FGF14: variants seen among roughly 807,000 people sequenced by gnomAD.
The protein encoded by FGF14 is fibroblast growth factor 14.
FGF14 carries 5 observed loss-of-function variants against 25.5 expected under a neutral mutation model. The ratio of observed to expected loss-of-function variants is 0.20; its 90% CI spans 0.10 to 0.41. The LOEUF (loss-of-function observed/expected upper bound fraction) is 0.41, where lower values mean the gene tolerates loss of function less well. FGF14 is among the 10% of genes least tolerant of loss of function. The pLI, the probability that FGF14 is intolerant of heterozygous loss-of-function variation, is 1.00. For synonymous variants in FGF14, 138 were observed against 118.3 expected (o/e 1.17, Z -1.08); for missense variants, 222 against 320.1 (o/e 0.69, Z 2.34).
At chr13:101,993,768 G>A (rs1456292823) in intron 1 of FGF14, among the ~76,000 whole-genome samples, 1 of 151,644 alleles carries the variant, frequency 6.6e-6, no homozygotes, top group African/African-American at 2.4e-5. Context: ...AACCAGAGAA[G>A]GCAAAAAAAT....
At chr13:102,181,247 G>A (rs866118345) in intron 1 of FGF14, among the ~76,000 whole-genome samples, 7 of 152,108 alleles carry the variant, frequency 4.6e-5, no homozygotes, top group African/African-American at 1.7e-4. Flanking sequence ...AACGATCTCC[G>A]AAGACGTCCA....
At chr13:101,983,084 T>G (rs1233913875) in intron 1 of FGF14, among the ~76,000 whole-genome samples, 1 of 145,620 alleles carries the variant, frequency 6.9e-6, no homozygotes, top group East Asian at 1.9e-4. Context: ...GCTGTTTGTG[T>G]ATTGTCTCTT....
chr13:102,205,999 A>C (rs2049897581), intron 1 of FGF14, among the ~76,000 whole-genome samples: 1 of 32,898 alleles, frequency 3.0e-5, no homozygotes, highest in Non-Finnish European at 5.5e-5. Flanking sequence ...AAAAAAAAAA[A>C]AAAAAAAAAA....
chr13:102,347,309 C>T lies in FGF14; in HGVS notation c.208+54162G>A, dbSNP rs2057138365. On this transcript the variant is annotated intron_variant, in intron 1 of 4. Coordinates refer to the FGF14 transcript ENST00000376131. ...GAGAACTCATGGGTGAGTAACTCATCACAGTATTGCTAATAATTAAATAAT... is the reference window on the plus strand; with the variant it reads ...GAGAACTCATGGGTGAGTAACTCATTACAGTATTGCTAATAATTAAATAAT... 4.6e-5 allele frequency among the ~76,000 whole-genome samples: 7 copies of T among 152,134 alleles called. No individual in the cohort carries two copies. The South Asian group carries it at 1.2e-3, about 27-fold the overall frequency.
intron 1 of FGF14, among the ~76,000 whole-genome samples, chr13:102,368,863 A>C (rs1380528532): frequency 6.6e-6 from 1 of 152,168 alleles, no homozygotes; most frequent in Non-Finnish European, 1.5e-5. Context: ...TGTCATCTCT[A>C]AATTTAATAG....
chr13:102,111,747 T>A (rs2045238634), intron 1 of FGF14, among the ~76,000 whole-genome samples: 2 of 147,608 alleles, frequency 1.4e-5, no homozygotes, highest in South Asian at 4.3e-4. Context: ...TAGTCTCATG[T>A]ACAAAGAATT....
chr13:101,734,020 CTGTG>C (rs146211386), intron 3 of FGF14, among the ~76,000 whole-genome samples: 1 of 150,116 alleles, frequency 6.7e-6, no homozygotes, highest in Non-Finnish European at 1.5e-5. Flanking sequence ...AAGGAGATGT[CTGTG>C]TGTGTGTGTG....
At chr13:102,124,661 C>T (rs1388668224) in intron 1 of FGF14, among the ~76,000 whole-genome samples, 1 of 152,080 alleles carries the variant, frequency 6.6e-6, no homozygotes, top group Admixed American at 6.6e-5. Context: ...TTTTTATCTC[C>T]TCATCCAGGA....
rs115350144 is a variant in FGF14, at chr13:102,172,524, T to C, written c.208+228947A>G. Reference sequence around the variant, plus strand: ...ACCTGAATCTGAATCAGAATCATTCTAGAAAAAGTGTTCAGAAACCTCCTA... The same window carrying C: ...ACCTGAATCTGAATCAGAATCATTCCAGAAAAAGTGTTCAGAAACCTCCTA... On this transcript the variant is annotated intron_variant, in intron 1 of 4. Coordinates refer to the FGF14 transcript ENST00000376131. 4.0e-3 allele frequency among the ~76,000 whole-genome samples: 605 copies of C among 152,256 alleles called. 7 individuals carry two copies. The highest frequency in any genetic ancestry group is 0.013 in the African/African-American group (533 of 41,568).
chr13:102,088,966 A>G (rs1023804057), intron 1 of FGF14, among the ~76,000 whole-genome samples: 5 of 152,174 alleles, frequency 3.3e-5, no homozygotes, highest in Non-Finnish European at 7.4e-5. Flanking sequence ...CCAAGCTGTC[A>G]AGATTTCAAA....
At chr13:101,988,976 T>C (rs894723937) in intron 1 of FGF14, among the ~76,000 whole-genome samples, 1 of 152,072 alleles carries the variant, frequency 6.6e-6, no homozygotes, top group Admixed American at 6.6e-5. Flanking sequence ...TCAAACATAA[T>C]TGCTTTTAAG....
intron 1 of FGF14, among the ~76,000 whole-genome samples, chr13:102,010,511 T>G (rs2040023654): frequency 6.6e-6 from 1 of 152,220 alleles, no homozygotes; most frequent in Non-Finnish European, 1.5e-5. Flanking sequence ...AAGTGTTTAT[T>G]TTTTATAAAG....
At chr13:102,186,372 T>C (rs1324524695) in intron 1 of FGF14, among the ~76,000 whole-genome samples, 2 of 152,178 alleles carry the variant, frequency 1.3e-5, no homozygotes, top group Non-Finnish European at 2.9e-5. Context: ...ACTGCCAATG[T>C]TGACAACTTA....
rs547655896 is a variant in FGF14, at chr13:102,400,618, C to A, written c.208+853G>T. Among the ~76,000 whole-genome samples the A allele has an allele frequency of 7.2e-5, 11 of 152,316 alleles. No individual in the cohort carries two copies. Among genetic ancestry groups the A allele is most frequent in the Admixed American group, 7.2e-4 (11 of 15,302 alleles). On this transcript the variant is annotated intron_variant, in intron 1 of 4. Coordinates refer to the FGF14 transcript ENST00000376131. The surrounding 1 kb of genome is among the most constrained non-coding windows in gnomAD (Gnocchi z 4.3). The stretch of plus-strand genomic sequence containing the variant: ...CGACTCCCCAAATCAGATGCATTTG[C>A]ATTTCTTATGTAATGTACTGCAAGT...
intron 1 of FGF14, among the ~76,000 whole-genome samples, chr13:102,371,711 GCTTA>G (rs1305903552): frequency 6.6e-6 from 1 of 152,116 alleles, no homozygotes; most frequent in Non-Finnish European, 1.5e-5. Context: ...TAAATAAGAT[GCTTA>G]CTTAATATGA....
At position 101,714,697 on chromosome 13, in the gene FGF14, G is replaced by C. The variant is rs984996549; in HGVS notation, c.*8134C>G. ...TACCAAAGGCGAAGTGGGCATTTGG[G>C]AAAAAGCCCTCACAAAAGCCTCACA... On this transcript the variant is annotated 3_prime_UTR_variant, in exon 5 of 5. Coordinates refer to ENST00000376143, the MANE Select transcript of FGF14 (RefSeq NM_004115.4). 1 of 615,150 alleles carries C rather than the reference G, an allele frequency of 1.6e-6. No individual in the cohort carries two copies. The highest frequency in any genetic ancestry group is 1.8e-5 in the African/African-American group (1 of 54,306). 38.1% of individuals were successfully genotyped at this position (615,150 alleles called of 1,614,324 possible). A position where few individuals can be genotyped will look rare whatever the true frequency, so the allele number is the denominator to read the frequency against.
In FGF14 at chr13:101,971,871, C is replaced by T. The variant is rs548788620; in HGVS notation, c.209-96575G>A. Reference sequence around the variant, plus strand: ...CAAGTTAGTAATAACACAGTGCAGCCAATACATAACTGTTTGAAATTTCAC... The same window carrying T: ...CAAGTTAGTAATAACACAGTGCAGCTAATACATAACTGTTTGAAATTTCAC... On this transcript the variant is annotated intron_variant, in intron 1 of 4. Transcript: ENST00000376131. Among the ~76,000 whole-genome samples, 204 of 152,290 alleles carry T rather than the reference C, an allele frequency of 1.3e-3. 2 individuals carry two copies. In the South Asian group the frequency reaches 0.015, roughly 11 times the overall value.
chr13:101,917,303 C>T (rs1380634015), upstream of FGF14, among the ~76,000 whole-genome samples: 1 of 152,116 alleles, frequency 6.6e-6, no homozygotes, highest in African/African-American at 2.4e-5. Flanking sequence ...ACTACACCCC[C>T]TCCACCTATG....
intron 1 of FGF14, among the ~76,000 whole-genome samples, chr13:102,052,534 G>GA (rs891578772): frequency 4.0e-5 from 6 of 149,780 alleles, no homozygotes; most frequent in Non-Finnish European, 5.9e-5. Context: ...AGTAACAAGA[G>GA]AAAAAAAAGC....
Sources: allele counts gnomAD v4.1 joint callset (sites outside exome capture counted in the v4.1 genomes callset), GRCh38; gene constraint gnomAD v4.1.1; non-coding constraint Gnocchi (gnomAD v3.1); transcripts MANE v1.5; gene names NCBI Gene and HGNC (gene_info 2026-07-23, HGNC 2026-07-21).